KDM5B: variants seen among roughly 807,000 people sequenced by gnomAD.
KDM5B encodes the protein lysine-specific demethylase 5B.
KDM5B carries 144 observed loss-of-function variants against 193.4 expected under a neutral mutation model. The ratio of observed to expected loss-of-function variants is 0.74; its 90% CI spans 0.65 to 0.86. The LOEUF is 0.86. KDM5B is among the 40% of genes least tolerant of loss of function. The pLI is 0.00. For synonymous variants in KDM5B, 668 were observed against 682.6 expected, an observed-to-expected ratio of 0.98 and a Z score of 0.33; for missense variants, 1,833 against 1,886.9, an observed-to-expected ratio of 0.97 and a Z score of 0.53.
At position 202,808,394 on chromosome 1, in the gene KDM5B, C is replaced by T; in HGVS notation, c.-89G>A. 2 of 1,240,294 alleles carry T rather than the reference C, an allele frequency of 1.6e-6. No individual in the cohort carries two copies. The highest frequency in any genetic ancestry group is 2.2e-6 in the Non-Finnish European group (2 of 917,246). The allele number at this position is 1,240,294 out of a possible 1,614,324, so 76.8% of individuals were successfully genotyped here. A position where few individuals can be genotyped will look rare whatever the true frequency, so the allele number is the denominator to read the frequency against. On this transcript the variant is annotated 5_prime_UTR_variant, in exon 1 of 27. Coordinates refer to ENST00000367265, the MANE Select transcript of KDM5B (RefSeq NM_006618.5). ...CGGTCCGAGACCCGTGCAGACGCGG[C>T]TCGAGCAACAGCAAGTCCGAGTTGT...
At chr1:202,730,432 CTAA>C (rs1654838881) in intron 25 of KDM5B, among the ~76,000 whole-genome samples, 1 of 152,180 alleles carries the variant, frequency 6.6e-6, no homozygotes, top group South Asian at 2.1e-4. Context: ...AGGAACCACA[CTAA>C]TAATCTTCCT....
chr1:202,752,159 T>A (rs980761114), intron 12 of KDM5B, among the ~76,000 whole-genome samples: 1 of 152,210 alleles, frequency 6.6e-6, no homozygotes, highest in African/African-American at 2.4e-5. Flanking sequence ...TTCCCAAATG[T>A]CTTCAGAGTA....
chr1:202,769,553 C>T (rs1362312059), intron 4 of KDM5B, among the ~76,000 whole-genome samples: 3 of 150,652 alleles, frequency 2.0e-5, no homozygotes, highest in African/African-American at 7.3e-5. Flanking sequence ...CCTGTAATCC[C>T]ACCTACTCGG....
At chr1:202,758,881 G>C (rs1057370005) in intron 8 of KDM5B, 4 of 160,058 alleles carry the variant, frequency 2.5e-5, no homozygotes, top group African/African-American at 9.6e-5. Context: ...ACATACAATA[G>C]ATCAAAATAG....
At chr1:202,775,879 A>ATATAT (rs1477834630) in intron 2 of KDM5B, among the ~76,000 whole-genome samples, 3 of 93,202 alleles carry the variant, frequency 3.2e-5, no homozygotes, top group South Asian at 7.4e-4. Context: ...AAAAAAAAAA[A>ATATAT]ATATATATAT....
chr1:202,753,054 T>A lies in KDM5B; in HGVS notation c.1552A>T (p.Thr518Ser), dbSNP rs534732205. 1 of 1,610,976 alleles carries A rather than the reference T, an allele frequency of 6.2e-7. No individual in the cohort carries two copies. Among genetic ancestry groups the A allele is most frequent in the East Asian group, 2.2e-5 (1 of 44,852 alleles). The change falls in exon 12 of 27, where the codon ACC becomes TCC. Residue 518 changes from threonine (T) to serine (S), a missense_variant. Thr to Ser is a moderately conservative substitution (Grantham distance 58, BLOSUM62 1). Coordinates refer to ENST00000367265, the MANE Select transcript of KDM5B (RefSeq NM_006618.5). ...GCATACCCTGGGACTCCATACCAGG[T>A]TTTTGGCTCACCCCTGGAAATAGAT... ...INYLHWGEPK[T>S]WYGVPGYAAE...
intron 4 of KDM5B, among the ~76,000 whole-genome samples, chr1:202,769,436 A>G (rs1258429127): frequency 6.6e-6 from 1 of 151,344 alleles, no homozygotes; most frequent in East Asian, 1.9e-4. Context: ...TTGGGAGGCC[A>G]AGGCAGGTAG....
chr1:202,790,088 A>G (rs1028954448), intron 1 of KDM5B, among the ~76,000 whole-genome samples: 8 of 151,810 alleles, frequency 5.3e-5, no homozygotes, highest in African/African-American at 1.9e-4. Context: ...ACATGGAGAA[A>G]CCCTGTTTCT....
At chr1:202,804,076 G>C (rs755296574) in intron 1 of KDM5B, among the ~76,000 whole-genome samples, 4 of 151,588 alleles carry the variant, frequency 2.6e-5, no homozygotes, top group African/African-American at 9.7e-5. Flanking sequence ...AGAACTTAAA[G>C]TATAATTTAA....
intron 1 of KDM5B, 30 bp from the exon 2 acceptor site, chr1:202,777,124 T>A: frequency 1.3e-6 from 2 of 1,526,074 alleles, no homozygotes; most frequent in Non-Finnish European, 1.8e-6. Flanking sequence ...CTTATTAGAA[T>A]AACTTATAAG....
intron 1 of KDM5B, among the ~76,000 whole-genome samples, chr1:202,781,031 G>T (rs2102311658): frequency 6.6e-6 from 1 of 152,268 alleles, no homozygotes; most frequent in East Asian, 1.9e-4. Context: ...GAATAAAAAT[G>T]ACGGCCAGGC....
At chr1:202,759,785 T>C (rs1656169053) in intron 8 of KDM5B, among the ~76,000 whole-genome samples, 2 of 152,220 alleles carry the variant, frequency 1.3e-5, no homozygotes, top group East Asian at 3.8e-4. Flanking sequence ...TATATATGCA[T>C]TGTGAAAGCA....
chr1:202,731,190 A>G, intron 24 of KDM5B, 127 bp from the exon 25 acceptor site: 1 of 681,284 alleles, frequency 1.5e-6, no homozygotes, highest in East Asian at 2.9e-5. Context: ...TTAAATTACA[A>G]ATTACCTTCA....
rs1655053800 is a variant in KDM5B, at chr1:202,735,428, C to G, written c.3423+1G>C. ...AAGGAGAAGAAAAAAACCCTACATACAGCTGAAGCAGTCTCCTTGCTTTCA... is the reference window on the plus strand; with the variant it reads ...AAGGAGAAGAAAAAAACCCTACATAGAGCTGAAGCAGTCTCCTTGCTTTCA... On this transcript the variant is annotated splice_donor_variant, in intron 22 of 26. Coordinates refer to ENST00000367265, the MANE Select transcript of KDM5B (RefSeq NM_006618.5). LOFTEE classifies it high-confidence loss of function. 1.2e-6 allele frequency: 2 copies of G among 1,611,876 alleles called. No homozygotes were observed. The highest frequency in any genetic ancestry group is 1.7e-6 in the Non-Finnish European group (2 of 1,179,186).
Position 202,740,080 on chromosome 1 carries a change from C to T in KDM5B, c.3084+594G>A, listed in dbSNP as rs1460646238. ...GCAGAGGCGCCCCTCACCTCCCGGA[C>T]GGGGCGGCTGGCCGGGCATGGGGCT... On this transcript the variant is annotated intron_variant, in intron 20 of 26. Coordinates refer to ENST00000367265, the MANE Select transcript of KDM5B (RefSeq NM_006618.5). 2.2e-4 allele frequency among the ~76,000 whole-genome samples: 34 copies of T among 151,756 alleles called. 1 individual carries two copies. Among genetic ancestry groups the T allele is most frequent in the South Asian group, 1.2e-3 (6 of 4,812 alleles).
chr1:202,761,588 T>C (rs1156569950), intron 7 of KDM5B, among the ~76,000 whole-genome samples: 1 of 152,176 alleles, frequency 6.6e-6, no homozygotes, highest in African/African-American at 2.4e-5. Flanking sequence ...TACCTCAGAA[T>C]GTGACTATAT....
In KDM5B at chr1:202,731,849, G is replaced by A. The variant is rs915021284; in HGVS notation, c.4000C>T (p.Arg1334Ter). ...SYLHSPFSTGRSCIPLHGVSP... is the reference protein window; with the variant it reads ...SYLHSPFSTG ...AAACCATGGAGGGGGATACAACTTC[G>A]TCCAGTTGAGAAGGGGGAGTGCAAA... The change falls in exon 24 of 27, where the codon CGA becomes TGA. Residue 1334 changes from arginine (R) to a stop codon, truncating the protein, a stop_gained. Coordinates refer to ENST00000367265, the MANE Select transcript of KDM5B (RefSeq NM_006618.5). LOFTEE classifies it high-confidence loss of function. The A allele has an allele frequency of 3.7e-6, 6 of 1,611,620 alleles. No individual in the cohort carries two copies. The highest frequency in any genetic ancestry group is 4.2e-6 in the Non-Finnish European group (5 of 1,178,000).
At position 202,764,079 on chromosome 1, in the gene KDM5B, T is replaced by A. The variant is rs368383701; in HGVS notation, c.778A>T (p.Met260Leu). The stretch of plus-strand genomic sequence containing the variant: ...TCACATTTTGGAGTTGGACAACCCA[T>A]TCGACGTCTCAGATTATGAGTTCTG... ...EARTHNLRRR[M>L]GCPTPKCENE... Residue 260 changes from methionine to leucine, a missense_variant, in exon 6 of 27, where the codon ATG (methionine) becomes TTG (leucine). Transcript: ENST00000367265. The A allele has an allele frequency of 2.8e-5, 44 of 1,581,374 alleles. No homozygotes were observed. Among genetic ancestry groups the A allele is most frequent in the Non-Finnish European group, 3.4e-5 (40 of 1,165,176 alleles).
At position 202,745,861 on chromosome 1, in the gene KDM5B, T is replaced by C. The variant is rs141191327; in HGVS notation, c.2320A>G (p.Lys774Glu). Residue 774 changes from lysine to glutamate, a missense_variant, in exon 16 of 27, where the codon AAA (lysine) becomes GAA (glutamate). Lys to Glu is a moderately conservative substitution (Grantham distance 56). Coordinates refer to ENST00000367265, the MANE Select transcript of KDM5B (RefSeq NM_006618.5). Reference protein sequence around the residue: ...EALEAKINKKKSLVSFKALIE... With the variant: ...EALEAKINKKESLVSFKALIE... ...AGTCACTTTCTGTATCACATACTTT[T>C]CTTCTTGTTGATCTTTGCCTCCAAA... The C allele has an allele frequency of 1.6e-4, 258 of 1,613,984 alleles. No individual in the cohort carries two copies. The African/African-American group carries it at 2.8e-3, about 18-fold the overall frequency.
Sources: gnomAD v4.1 joint callset for allele counts (sites outside exome capture counted in the v4.1 genomes callset) on GRCh38, gnomAD v4.1.1 for gene constraint, MANE v1.5 for transcripts, NCBI Gene and HGNC (gene_info 2026-07-23, HGNC 2026-07-21) for gene names.